IGF2R: variants seen among roughly 807,000 people sequenced by gnomAD.
IGF2R encodes insulin like growth factor 2 receptor.
IGF2R carries 91 observed loss-of-function variants against 270.6 expected under a neutral mutation model. The ratio of observed to expected loss-of-function variants is 0.34; its 90% CI spans 0.28 to 0.40. The LOEUF (loss-of-function observed/expected upper bound fraction) is 0.40, where lower values mean the gene tolerates loss of function less well. Ranked by LOEUF, IGF2R falls within the 10% of genes least tolerant of loss-of-function variation. IGF2R has a pLI of 1.00. For synonymous variants in IGF2R, 1,316 were observed against 1,258.9 expected, an observed-to-expected ratio of 1.05 and a Z score of -0.96; for missense variants, 2,805 against 3,188.3, an observed-to-expected ratio of 0.88 and a Z score of 2.90.
Position 160,107,030 on chromosome 6 carries a change from A to G in IGF2R, c.*1946A>G, listed in dbSNP as rs1226648701. On this transcript the variant is annotated 3_prime_UTR_variant, in exon 48 of 48. Coordinates refer to ENST00000356956, the MANE Select transcript of IGF2R (RefSeq NM_000876.4). ...TCTTAGACTCAACATCCTATTCTCC[A>G]TCCCTTTTTTTTTCCTGTAGAGTCC... 6.6e-6 allele frequency: 1 copy of G among 152,126 alleles called. No homozygotes were observed. The highest frequency in any genetic ancestry group is 1.5e-5 in the Non-Finnish European group (1 of 68,026). 9.4% of individuals were successfully genotyped at this position (152,126 alleles called of 1,614,324 possible).
At chr6:159,988,066 A>T (rs1783915335) in intron 1 of IGF2R, among the ~76,000 whole-genome samples, 1 of 152,240 alleles carries the variant, frequency 6.6e-6, no homozygotes, top group Non-Finnish European at 1.5e-5. Context: ...AATTGAATAG[A>T]GCAACACTTT....
At position 160,080,792 on chromosome 6, in the gene IGF2R, C is replaced by T. The variant is rs556388249; in HGVS notation, c.5833+517C>T. Among the ~76,000 whole-genome samples the T allele has an allele frequency of 5.3e-4, 81 of 152,082 alleles. No individual in the cohort carries two copies. In the Middle Eastern group the frequency reaches 0.01, roughly 19 times the overall value. ...AGCCAACTGCTGTGACTTGTGTCTACGGACCGTGAGATGAGGGAAATGCAT... is the reference window on the plus strand; with the variant it reads ...AGCCAACTGCTGTGACTTGTGTCTATGGACCGTGAGATGAGGGAAATGCAT... On this transcript the variant is annotated intron_variant, in intron 39 of 47. Transcript: ENST00000356956.
intron 46 of IGF2R, 114 bp from the exon 47 acceptor site, chr6:160,103,632 T>C (rs938369746): frequency 6.9e-6 from 5 of 721,480 alleles, no homozygotes; most frequent in African/African-American, 5.3e-5. Context: ...GTGGGAGAAA[T>C]GCAGCCACCA....
At chr6:160,055,127 C>A (rs989762098) in intron 19 of IGF2R, among the ~76,000 whole-genome samples, 1 of 152,144 alleles carries the variant, frequency 6.6e-6, no homozygotes, top group Non-Finnish European at 1.5e-5. Flanking sequence ...TTCACCTGAG[C>A]TTGGGCCGCC....
intron 11 of IGF2R, 59 bp downstream of exon 11, chr6:160,040,783 G>A: frequency 6.6e-7 from 1 of 1,517,194 alleles, no homozygotes. Context: ...ATTTTCCCAT[G>A]AGTACTTTTG....
At chr6:160,048,575 C>G in intron 18 of IGF2R, 32 bp downstream of exon 18, 1 of 1,605,656 alleles carries the variant, frequency 6.2e-7, no homozygotes, top group Non-Finnish European at 8.5e-7. Context: ...GTCTCCTTTG[C>G]CCTCCTAATT....
chr6:160,040,269 C>T (rs968366227), intron 10 of IGF2R, among the ~76,000 whole-genome samples: 1 of 152,190 alleles, frequency 6.6e-6, no homozygotes, highest in African/African-American at 2.4e-5. Context: ...TCTTGCGTTC[C>T]TCCTGCCTGC....
chr6:160,055,808 G>A (rs753395065), intron 19 of IGF2R, among the ~76,000 whole-genome samples: 4 of 152,050 alleles, frequency 2.6e-5, no homozygotes, highest in Non-Finnish European at 4.4e-5. Context: ...CTCCCTGATC[G>A]GCAGCTACCA....
In IGF2R at chr6:160,082,997, A is replaced by C. The variant is rs143383801; in HGVS notation, c.5834-953A>C. 8.1e-3 allele frequency among the ~76,000 whole-genome samples: 1,233 copies of C among 152,324 alleles called. 15 individuals carry two copies. The highest frequency in any genetic ancestry group is 0.028 in the African/African-American group (1,159 of 41,570). ...GAGAAAAGAAATAAGACACAGAGACAAAGTATAGAGAAACAACAGTGGGCC... is the reference window on the plus strand; with the variant it reads ...GAGAAAAGAAATAAGACACAGAGACCAAGTATAGAGAAACAACAGTGGGCC... On this transcript the variant is annotated intron_variant, in intron 39 of 47. Transcript: ENST00000356956.
At chr6:160,097,385 C>T (rs1376808930) in intron 45 of IGF2R, among the ~76,000 whole-genome samples, 1 of 152,140 alleles carries the variant, frequency 6.6e-6, no homozygotes. Flanking sequence ...GGCTGGAGTG[C>T]AGTGGTGCGG....
At position 160,081,009 on chromosome 6, in the gene IGF2R, C is replaced by T. The variant is rs540950760; in HGVS notation, c.5833+734C>T. On this transcript the variant is annotated intron_variant, in intron 39 of 47. Coordinates refer to ENST00000356956, the MANE Select transcript of IGF2R (RefSeq NM_000876.4). Reference sequence around the variant, plus strand: ...GGCGTGGTGGCGGGCGCCTGTAGTCCCAGCTACTGGGGAGGCTGAGGCAGG... The same window carrying T: ...GGCGTGGTGGCGGGCGCCTGTAGTCTCAGCTACTGGGGAGGCTGAGGCAGG... 1.1e-3 allele frequency among the ~76,000 whole-genome samples: 174 copies of T among 151,426 alleles called. 2 individuals carry two copies. The highest frequency in any genetic ancestry group is 4.1e-3 in the African/African-American group (170 of 41,306).
At chr6:160,052,052 A>G (rs1778209871) in intron 19 of IGF2R, among the ~76,000 whole-genome samples, 1 of 150,220 alleles carries the variant, frequency 6.7e-6, no homozygotes, top group South Asian at 2.1e-4. Context: ...TCTACAAAAA[A>G]TTAGCCAAGT....
At chr6:160,002,072 AAAGT>A (rs1784138881) in intron 2 of IGF2R, among the ~76,000 whole-genome samples, 1 of 152,194 alleles carries the variant, frequency 6.6e-6, no homozygotes, top group Non-Finnish European at 1.5e-5. Context: ...TTCTTACAAT[AAAGT>A]AAGCTAAAGG....
At chr6:160,063,877 A>T (rs961005833) in intron 27 of IGF2R, among the ~76,000 whole-genome samples, 1 of 152,198 alleles carries the variant, frequency 6.6e-6, no homozygotes, top group Non-Finnish European at 1.5e-5. Flanking sequence ...CTCTAAGGTC[A>T]TATTTCTCTT....
chr6:160,044,694 T>C (rs1778029980), intron 13 of IGF2R, 37 bp downstream of exon 13: 1 of 1,544,444 alleles, frequency 6.5e-7, no homozygotes, highest in Non-Finnish European at 8.9e-7. Context: ...TTTTCTGGCT[T>C]CTGCCAGAGG....
chr6:159,999,408 T>G (rs1312163377), intron 2 of IGF2R, among the ~76,000 whole-genome samples: 1 of 151,892 alleles, frequency 6.6e-6, no homozygotes, highest in Non-Finnish European at 1.5e-5. Flanking sequence ...TTGCTGGAGG[T>G]GGTGTGGTTA....
At chr6:160,011,189 G>A (rs1784327825) in intron 4 of IGF2R, among the ~76,000 whole-genome samples, 1 of 152,084 alleles carries the variant, frequency 6.6e-6, no homozygotes, top group African/African-American at 2.4e-5. Flanking sequence ...CACCTGTGTT[G>A]TACCCCGCTT....
At position 160,047,845 on chromosome 6, in the gene IGF2R, G is replaced by A. The variant is rs757210194; in HGVS notation, c.2283G>A (p.Pro761=). Residue 761 remains proline (P), a synonymous_variant, in exon 17 of 48, where the codon CCG becomes CCA. Coordinates refer to ENST00000356956, the MANE Select transcript of IGF2R (RefSeq NM_000876.4). ...NFRWYTSYAC[P]EEPLECVVTD... Reference sequence around the variant, plus strand: ...GGTGGTACACCAGCTATGCCTGCCCGGAGGAGCCCCTGGAATGCGTAGTGA... The same window carrying A: ...GGTGGTACACCAGCTATGCCTGCCCAGAGGAGCCCCTGGAATGCGTAGTGA... 19 of 1,614,048 alleles carry A rather than the reference G, an allele frequency of 1.2e-5. No homozygotes were observed. The highest frequency in any genetic ancestry group is 5.3e-5 in the African/African-American group (4 of 74,936).
Position 160,043,165 on chromosome 6 carries a change from G to C in IGF2R, c.1498G>C (p.Glu500Gln). 6.2e-7 allele frequency: 1 copy of C among 1,614,174 alleles called. No homozygotes were observed. Among genetic ancestry groups the C allele is most frequent in the Non-Finnish European group, 8.5e-7 (1 of 1,180,016 alleles). Reference protein sequence around the residue: ...VRHAEPEQNWEAVDGSQTETE... With the variant: ...VRHAEPEQNWQAVDGSQTETE... ...TGTTACAGAACCAGAGCAGAATTGGGAAGCTGTGGATGGCAGTCAGACGGA... is the reference window on the plus strand; with the variant it reads ...TGTTACAGAACCAGAGCAGAATTGGCAAGCTGTGGATGGCAGTCAGACGGA... The change falls in exon 12 of 48, where the codon GAA (glutamate) becomes CAA (glutamine). Residue 500 changes from glutamate (E) to glutamine (Q), a missense_variant. Glu to Gln is a conservative substitution (Grantham distance 29). Coordinates refer to ENST00000356956, the MANE Select transcript of IGF2R (RefSeq NM_000876.4).
Sources: gnomAD v4.1 joint callset for allele counts (sites outside exome capture counted in the v4.1 genomes callset) on GRCh38, gnomAD v4.1.1 for gene constraint, MANE v1.5 for transcripts, NCBI Gene and HGNC (gene_info 2026-07-23, HGNC 2026-07-21) for gene names.